Variants in ARHGAP15 observed in about 807,000 individuals in gnomAD.
The protein encoded by ARHGAP15 is Rho GTPase activating protein 15.
Under a neutral mutation model 63.7 loss-of-function variants are expected in ARHGAP15, and 51 were observed. The ratio of observed to expected loss-of-function variants is 0.80; its 90% CI spans 0.64 to 1.01. The LOEUF (loss-of-function observed/expected upper bound fraction) is 1.01. Ranked by LOEUF, ARHGAP15 falls within the 50% of genes least tolerant of loss-of-function variation. The pLI is 0.00. For missense variants in ARHGAP15, 560 were observed against 564.6 expected (o/e 0.99, Z 0.08); for synonymous variants, 191 against 193.8 (o/e 0.99, Z 0.12).
At chr2:143,523,762 G>A (rs868247153) in intron 10 of ARHGAP15, among the ~76,000 whole-genome samples, 9 of 152,022 alleles carry the variant, frequency 5.9e-5, no homozygotes, top group South Asian at 2.1e-4. Context: ...CATGATTCCC[G>A]GTTCTGGTTA....
chr2:143,257,385 A>C (rs144583516), intron 6 of ARHGAP15, among the ~76,000 whole-genome samples: 3 of 152,104 alleles, frequency 2.0e-5, no homozygotes, highest in Non-Finnish European at 4.4e-5. Flanking sequence ...AAAAAAGTCA[A>C]CTTGGCTTCT....
At chr2:143,222,120 C>G (rs1347550491) in intron 4 of ARHGAP15, among the ~76,000 whole-genome samples, 2 of 152,086 alleles carry the variant, frequency 1.3e-5, no homozygotes, top group Non-Finnish European at 2.9e-5. Context: ...TCTTTTTGAC[C>G]CACCTTTTAG....
chr2:143,737,449 C>T (rs1163211451), intron 13 of ARHGAP15, among the ~76,000 whole-genome samples: 2 of 152,172 alleles, frequency 1.3e-5, no homozygotes, highest in Admixed American at 1.3e-4. Flanking sequence ...GCAATGTAAA[C>T]TGAAAATGTA....
At chr2:143,509,109 C>G (rs1693457104) in intron 9 of ARHGAP15, among the ~76,000 whole-genome samples, 1 of 152,174 alleles carries the variant, frequency 6.6e-6, no homozygotes, top group East Asian at 1.9e-4. Flanking sequence ...TATCCTTGTT[C>G]GGGGAGATCC....
chr2:143,143,554 A>G, intron 1 of ARHGAP15, among the ~76,000 whole-genome samples: 1 of 145,216 alleles, frequency 6.9e-6, no homozygotes, highest in Admixed American at 6.9e-5. Context: ...TATCAAGGAG[A>G]GCTATTTTCT....
chr2:143,538,179 TTGTC>T (rs1411211165), intron 10 of ARHGAP15, among the ~76,000 whole-genome samples: 1 of 152,118 alleles, frequency 6.6e-6, no homozygotes, highest in African/African-American at 2.4e-5. Flanking sequence ...GGCTCTCTGT[TTGTC>T]TGTTATTGCT....
chr2:143,581,418 T>C (rs1010285296), intron 11 of ARHGAP15, among the ~76,000 whole-genome samples: 1 of 151,648 alleles, frequency 6.6e-6, no homozygotes, highest in Non-Finnish European at 1.5e-5. Context: ...CACCTACAAA[T>C]CTCTTATTCA....
At position 143,268,086 on chromosome 2, in the gene ARHGAP15, G is replaced by A. The variant is rs1040235180; in HGVS notation, c.474+17486G>A. ...ACAAGTAAAAACTACTCTAATTTTA[G>A]CAAAAGTACCAACTAGAGTCAGTGA... is the stretch of plus-strand genomic sequence containing the variant. On this transcript the variant is annotated intron_variant, in intron 6 of 13. Coordinates refer to ENST00000295095, the MANE Select transcript of ARHGAP15 (RefSeq NM_018460.4). Among the ~76,000 whole-genome samples the A allele has an allele frequency of 2.6e-5, 4 of 151,480 alleles. No homozygotes were observed. The South Asian group carries it at 8.3e-4, about 31-fold the overall frequency.
intron 8 of ARHGAP15, among the ~76,000 whole-genome samples, chr2:143,474,048 A>G (rs1404891207): frequency 2.0e-5 from 3 of 152,174 alleles, no homozygotes; most frequent in Non-Finnish European, 4.4e-5. Context: ...CCATAGCTCA[A>G]TCCTCTATAT....
intron 6 of ARHGAP15, among the ~76,000 whole-genome samples, chr2:143,287,888 A>ACC (rs2105106436): frequency 6.6e-6 from 1 of 152,214 alleles, no homozygotes; most frequent in Admixed American, 6.5e-5. Context: ...GACATATCTC[A>ACC]CCCCTGCAGG....
chr2:143,516,564 G>A (rs539829728), intron 9 of ARHGAP15, among the ~76,000 whole-genome samples: 4 of 151,870 alleles, frequency 2.6e-5, no homozygotes, highest in South Asian at 2.1e-4. Flanking sequence ...CAAACTTCTC[G>A]ATATTGTTTT....
intron 12 of ARHGAP15, among the ~76,000 whole-genome samples, chr2:143,662,976 G>A (rs1317411524): frequency 1.4e-5 from 2 of 141,932 alleles, no homozygotes; most frequent in Non-Finnish European, 3.1e-5. Context: ...ATGGAACCAA[G>A]TTGGAAAACA....
intron 11 of ARHGAP15, among the ~76,000 whole-genome samples, chr2:143,594,841 C>A (rs1241764363): frequency 1.3e-5 from 2 of 152,218 alleles, no homozygotes; most frequent in Middle Eastern, 3.4e-3. Context: ...TTTGAACAAT[C>A]AGAAAGGCCT....
chr2:143,595,458 G>T (rs1697476520), intron 11 of ARHGAP15, among the ~76,000 whole-genome samples: 1 of 151,948 alleles, frequency 6.6e-6, no homozygotes, highest in African/African-American at 2.4e-5. Context: ...TTTACGTAAT[G>T]CCCCGTGGAA....
chr2:143,233,655 T>C, intron 5 of ARHGAP15, among the ~76,000 whole-genome samples: 1 of 150,596 alleles, frequency 6.6e-6, no homozygotes, highest in Admixed American at 6.6e-5. Flanking sequence ...TCTTTTTTTT[T>C]TTTTTTTTTG....
At chr2:143,386,638 G>A (rs1687299367) in intron 6 of ARHGAP15, among the ~76,000 whole-genome samples, 1 of 152,104 alleles carries the variant, frequency 6.6e-6, no homozygotes, top group Admixed American at 6.6e-5. Flanking sequence ...ATGCTAGAGT[G>A]TCTACTTCTG....
chr2:143,541,726 G>T (rs929215368), intron 10 of ARHGAP15, among the ~76,000 whole-genome samples: 2 of 152,180 alleles, frequency 1.3e-5, no homozygotes, highest in East Asian at 1.9e-4. Flanking sequence ...CTGCCTGATC[G>T]TTCCTCTGGA....
intron 6 of ARHGAP15, among the ~76,000 whole-genome samples, chr2:143,395,124 A>T (rs1687703909): frequency 6.6e-6 from 1 of 152,218 alleles, no homozygotes; most frequent in East Asian, 1.9e-4. Context: ...TAATAATTTT[A>T]AAAATGATAG....
chr2:143,193,963 G>T (rs1174523004), intron 2 of ARHGAP15, among the ~76,000 whole-genome samples: 1 of 152,194 alleles, frequency 6.6e-6, no homozygotes, highest in Non-Finnish European at 1.5e-5. Context: ...TCTGGGCAAT[G>T]AAAGAAACAT....
Sources: allele counts gnomAD v4.1 joint callset (sites outside exome capture counted in the v4.1 genomes callset), GRCh38; gene constraint gnomAD v4.1.1; transcripts MANE v1.5; gene names NCBI Gene and HGNC (gene_info 2026-07-23, HGNC 2026-07-21).